The following EPB41L4A variants were observed in gnomAD, a reference collection of about 807,000 sequenced individuals.
The protein encoded by EPB41L4A is band 4.1-like protein 4A.
Under a neutral mutation model 108.6 loss-of-function variants are expected in EPB41L4A, and 100 were observed. That is an observed-to-expected ratio of 0.92 (90% CI 0.78 to 1.09). The LOEUF (loss-of-function observed/expected upper bound fraction) is 1.09. Ranked by LOEUF, EPB41L4A falls within the 50% of genes least tolerant of loss-of-function variation. The pLI is 0.00. For missense variants in EPB41L4A, 1,030 were observed against 842.7 expected (o/e 1.22, Z -2.75); for synonymous variants, 319 against 289.0 (o/e 1.10, Z -1.05).
chr5:112,364,946 T>C (rs75744647), intron 1 of EPB41L4A, among the ~76,000 whole-genome samples: 7,851 of 152,228 alleles, frequency 0.052, 617 homozygotes, highest in African/African-American at 0.17. Context: ...ACAGTATTAT[T>C]TGATGGGGTA....
At chr5:112,175,789 C>A (rs1760831043) in intron 18 of EPB41L4A, among the ~76,000 whole-genome samples, 1 of 151,284 alleles carries the variant, frequency 6.6e-6, no homozygotes, top group Admixed American at 6.6e-5. Flanking sequence ...TGAATACTGC[C>A]CTAGCCATGT....
intron 1 of EPB41L4A, among the ~76,000 whole-genome samples, chr5:112,319,549 C>G (rs989145415): frequency 1.3e-5 from 2 of 152,114 alleles, no homozygotes; most frequent in African/African-American, 2.4e-5. Context: ...GCAAAAAATA[C>G]AGAATCACTT....
At position 112,312,081 on chromosome 5, in the gene EPB41L4A, T is replaced by C. The variant is rs144597095; in HGVS notation, c.100-4591A>G. ...TATGCAAACTATATTTGTGCTTCTG[T>C]GTCCAGCAGAAATGTTAGGGTTTTC... is the stretch of plus-strand genomic sequence containing the variant. On this transcript the variant is annotated intron_variant, in intron 1 of 22. Transcript: ENST00000261486. Among the ~76,000 whole-genome samples the C allele has an allele frequency of 2.1e-3, 315 of 152,310 alleles. 2 individuals are homozygous for C. The highest frequency in any genetic ancestry group is 7.2e-3 in the African/African-American group (298 of 41,560).
chr5:112,341,815 C>A (rs1354459468), intron 1 of EPB41L4A, among the ~76,000 whole-genome samples: 1 of 151,940 alleles, frequency 6.6e-6, no homozygotes, highest in Non-Finnish European at 1.5e-5. Context: ...TCATCCATAA[C>A]TACGTCTTGA....
intron 4 of EPB41L4A, among the ~76,000 whole-genome samples, chr5:112,270,025 C>T (rs555550455): frequency 9.2e-5 from 14 of 152,230 alleles, no homozygotes; most frequent in South Asian, 6.2e-4. Context: ...TATGTTGAAA[C>T]GAGCTAAATT....
intron 1 of EPB41L4A, among the ~76,000 whole-genome samples, chr5:112,320,099 C>G (rs189959147): frequency 1.1e-3 from 167 of 152,306 alleles, no homozygotes; most frequent in African/African-American, 3.8e-3. Context: ...ATCACTTATC[C>G]TCTCCTATTC....
intron 11 of EPB41L4A, among the ~76,000 whole-genome samples, chr5:112,237,906 T>C (rs1360415589): frequency 6.6e-6 from 1 of 152,176 alleles, no homozygotes; most frequent in African/African-American, 2.4e-5. Context: ...TTGGAACAGA[T>C]TTAGCATGGC....
chr5:112,201,441 A>G (rs1344429576), intron 15 of EPB41L4A, among the ~76,000 whole-genome samples: 3 of 152,214 alleles, frequency 2.0e-5, no homozygotes, highest in African/African-American at 7.2e-5. Flanking sequence ...GCTGCAAACT[A>G]TTTCAAGCAA....
In EPB41L4A at chr5:112,184,053, C is replaced by G; in HGVS notation, c.1585G>C (p.Asp529His). The change falls in exon 18 of 23, where the codon GAC becomes CAC. Residue 529 changes from aspartate to histidine, a missense_variant. Asp to His is a moderately conservative substitution (Grantham distance 81). Transcript: ENST00000261486. ...TGTCTGGATCGCCTGTTGTTGGGGTCGGCTTGGTTTTTTTCCTTTTGTCTC... is the reference window on the plus strand; with the variant it reads ...TGTCTGGATCGCCTGTTGTTGGGGTGGGCTTGGTTTTTTTCCTTTTGTCTC... ...LRRQKEKNQA[D>H]PNNRRSRHRS... is the part of the protein sequence containing the mutation. 6.2e-7 allele frequency: 1 copy of G among 1,613,948 alleles called. No homozygotes were observed. The highest frequency in any genetic ancestry group is 8.5e-7 in the Non-Finnish European group (1 of 1,179,926).
intron 12 of EPB41L4A, among the ~76,000 whole-genome samples, chr5:112,212,785 C>A (rs1237754226): frequency 1.3e-5 from 2 of 152,026 alleles, no homozygotes; most frequent in African/African-American, 2.4e-5. Flanking sequence ...CTGAAAAAAG[C>A]TGAGTAAAGG....
At position 112,270,780 on chromosome 5, in the gene EPB41L4A, C is replaced by T. The variant is rs537158504; in HGVS notation, c.336-4450G>A. Among the ~76,000 whole-genome samples, 6 of 152,180 alleles carry T rather than the reference C, an allele frequency of 3.9e-5. No individual in the cohort carries two copies. In the East Asian group the frequency reaches 1.2e-3, roughly 29 times the overall value. On this transcript the variant is annotated intron_variant, in intron 4 of 22. Transcript: ENST00000261486. Reference sequence around the variant, plus strand: ...GCCAAATAAAACAAACCCATCTTCACCAAGGGAAGATTCTGGGTTGCAAAA... The same window carrying T: ...GCCAAATAAAACAAACCCATCTTCATCAAGGGAAGATTCTGGGTTGCAAAA...
chr5:112,360,346 G>A (rs981847906), intron 1 of EPB41L4A, among the ~76,000 whole-genome samples: 3 of 152,182 alleles, frequency 2.0e-5, no homozygotes, highest in Non-Finnish European at 4.4e-5. Flanking sequence ...CTGTACTGCC[G>A]CCATCTCGGC....
intron 1 of EPB41L4A, among the ~76,000 whole-genome samples, chr5:112,414,441 T>G (rs1762585649): frequency 6.6e-5 from 10 of 152,200 alleles, no homozygotes; most frequent in Admixed American, 6.5e-4. Flanking sequence ...GGGAGATTTT[T>G]GGTTGTCATT....
intron 1 of EPB41L4A, among the ~76,000 whole-genome samples, chr5:112,343,769 G>C (rs1457707307): frequency 6.6e-6 from 1 of 152,122 alleles, no homozygotes; most frequent in East Asian, 1.9e-4. Flanking sequence ...GCAAGAGAGA[G>C]AGAAAACCAC....
rs758588723 is a variant in EPB41L4A, at chr5:112,170,311, T to C, written c.1729A>G (p.Thr577Ala). Residue 577 changes from threonine (T) to alanine (A), a missense_variant, in exon 20 of 23, where the codon ACT becomes GCT. Thr to Ala is a moderately conservative substitution (Grantham distance 58). Transcript: ENST00000261486. ...SEEQLKEIPY[T>A]KIETQGDPIR... is the part of the protein sequence containing the mutation. ...CTGAAAGGCACTCACTCTATTTTAG[T>C]GTATGGAATCTCTTTTAATTGTTCT... is the stretch of plus-strand genomic sequence containing the variant. 16 of 1,613,474 alleles carry C rather than the reference T, an allele frequency of 9.9e-6. No homozygotes were observed. In the South Asian group the frequency reaches 1.1e-4, roughly 11 times the overall value.
chr5:112,358,326 T>C, intron 1 of EPB41L4A, among the ~76,000 whole-genome samples: 1 of 152,250 alleles, frequency 6.6e-6, no homozygotes, highest in East Asian at 1.9e-4. Context: ...TTGGTTATGG[T>C]GGTTAACTTT....
At chr5:112,221,829 C>T (rs1748072024) in intron 12 of EPB41L4A, among the ~76,000 whole-genome samples, 1 of 152,106 alleles carries the variant, frequency 6.6e-6, no homozygotes, top group Non-Finnish European at 1.5e-5. Context: ...TTCTAATTTT[C>T]GTAGCTATGT....
At chr5:112,373,865 T>G (rs1191581151) in intron 1 of EPB41L4A, among the ~76,000 whole-genome samples, 1 of 152,268 alleles carries the variant, frequency 6.6e-6, no homozygotes, top group East Asian at 1.9e-4. Flanking sequence ...GTATATATTT[T>G]TATGGTTTCC....
intron 9 of EPB41L4A, among the ~76,000 whole-genome samples, chr5:112,250,977 G>A (rs758285443): frequency 6.6e-6 from 1 of 152,138 alleles, no homozygotes; most frequent in Non-Finnish European, 1.5e-5. Flanking sequence ...GTTGTTCAGT[G>A]AACTGCCCAC....
Sources: gnomAD v4.1 joint callset for allele counts (sites outside exome capture counted in the v4.1 genomes callset) on GRCh38, gnomAD v4.1.1 for gene constraint, MANE v1.5 for transcripts, NCBI Gene and HGNC (gene_info 2026-07-23, HGNC 2026-07-21) for gene names.